PDZRN4: variants seen among roughly 807,000 people sequenced by gnomAD.
PDZRN4 encodes PDZ domain-containing RING finger protein 4.
Under a neutral mutation model 99.0 loss-of-function variants are expected in PDZRN4, and 70 were observed. That is an observed-to-expected ratio of 0.71 (90% confidence interval 0.58 to 0.86). PDZRN4 has a LOEUF of 0.86. Ranked by LOEUF, PDZRN4 falls within the 40% of genes least tolerant of loss-of-function variation. The pLI, the probability that PDZRN4 is intolerant of heterozygous loss-of-function variation, is 0.00. For synonymous variants in PDZRN4, 551 were observed against 501.6 expected (o/e 1.10, Z -1.32); for missense variants, 1,474 against 1,331.2 (o/e 1.11, Z -1.67).
At chr12:41,500,485 G>A (rs1164000468) in intron 3 of PDZRN4, among the ~76,000 whole-genome samples, 2 of 151,980 alleles carry the variant, frequency 1.3e-5, no homozygotes, top group African/African-American at 2.4e-5. Flanking sequence ...TGGACTTTGG[G>A]GTTGATGCAA....
rs10880103 is a variant in PDZRN4, at chr12:41,574,480, G to A, written c.*590G>A. On this transcript the variant is annotated 3_prime_UTR_variant, in exon 10 of 10. Transcript: ENST00000402685. ...ATTGTCTTTGTCTCAGTAAAGTGTA[G>A]GTGGACAATCTTCCTGTGATATGTA... 0.32 allele frequency: 49,414 copies of A among 152,448 alleles called. 8,774 individuals carry two copies. Among genetic ancestry groups the A allele is most frequent in the Admixed American group, 0.4 (6,127 of 15,270 alleles). 9.4% of individuals were successfully genotyped at this position (152,448 alleles called of 1,614,324 possible).
rs143097829 is a variant in PDZRN4 at position 41,256,161 on chromosome 12, C to T, written c.843+61973C>T. Among the ~76,000 whole-genome samples, 43 of 152,096 alleles carry T rather than the reference C, an allele frequency of 2.8e-4. No individual in the cohort carries two copies. The East Asian group carries it at 5.8e-3, about 21-fold the overall frequency. On this transcript the variant is annotated intron_variant, in intron 3 of 9. Coordinates refer to ENST00000402685, the MANE Select transcript of PDZRN4 (RefSeq NM_001164595.2). Reference sequence around the variant, plus strand: ...ATTTTCAAAATAAAACTATGTATTTCCTAGTCATATAAAAGTGATTTTATT... The same window carrying T: ...ATTTTCAAAATAAAACTATGTATTTTCTAGTCATATAAAAGTGATTTTATT...
intron 3 of PDZRN4, among the ~76,000 whole-genome samples, chr12:41,416,823 G>T (rs1471950834): frequency 1.3e-5 from 2 of 152,112 alleles, no homozygotes; most frequent in African/African-American, 4.8e-5. Flanking sequence ...GTATGTGTAG[G>T]ATTTGGTCTA....
chr12:41,567,830 G>A lies in PDZRN4; in HGVS notation c.1515G>A (p.Glu505=). ...LEDERNEFLE[E]LNLEMLEEEH... is the part of the protein sequence containing the mutation. ...ATGAAAGGAATGAATTCTTAGAGGAGTTAAACTTGGAGATGTTGGAAGAAG... is the reference window on the plus strand; with the variant it reads ...ATGAAAGGAATGAATTCTTAGAGGAATTAAACTTGGAGATGTTGGAAGAAG... The change falls in exon 9 of 10, where the codon GAG becomes GAA. Residue 505 remains glutamate (E), a synonymous_variant. Coordinates refer to ENST00000402685, the MANE Select transcript of PDZRN4 (RefSeq NM_001164595.2). The A allele has an allele frequency of 6.2e-7, 1 of 1,613,626 alleles. No individual in the cohort carries two copies. Among genetic ancestry groups the A allele is most frequent in the Non-Finnish European group, 8.5e-7 (1 of 1,179,748 alleles).
At chr12:41,437,627 G>A (rs1952641686) in intron 3 of PDZRN4, 1 of 514,724 alleles carries the variant, frequency 1.9e-6, no homozygotes, top group East Asian at 4.8e-5. Flanking sequence ...TAATCAATGA[G>A]GCACTATTAA....
intron 5 of PDZRN4, among the ~76,000 whole-genome samples, chr12:41,549,162 A>G (rs1939012299): frequency 6.6e-6 from 1 of 152,186 alleles, no homozygotes. Flanking sequence ...AATTGTCTCC[A>G]TGGAGAAAAT....
At chr12:41,412,725 G>A (rs1055210029) in intron 3 of PDZRN4, among the ~76,000 whole-genome samples, 2 of 152,228 alleles carry the variant, frequency 1.3e-5, no homozygotes, top group South Asian at 4.1e-4. Flanking sequence ...AATAAAAACT[G>A]CGATAGAACA....
Position 41,246,918 on chromosome 12 carries a change from C to G in PDZRN4, c.843+52730C>G, listed in dbSNP as rs142863142. 2.4e-3 allele frequency among the ~76,000 whole-genome samples: 363 copies of G among 152,254 alleles called. 3 individuals carry two copies. The highest frequency in any genetic ancestry group is 8.2e-3 in the African/African-American group (340 of 41,548). Reference sequence around the variant, plus strand: ...TATTTACTCTGAAAGGTACAGAGATCATTCTGTATTGAGTCTTCGGCTAGG... The same window carrying G: ...TATTTACTCTGAAAGGTACAGAGATGATTCTGTATTGAGTCTTCGGCTAGG... On this transcript the variant is annotated intron_variant, in intron 3 of 9. Coordinates refer to ENST00000402685, the MANE Select transcript of PDZRN4 (RefSeq NM_001164595.2).
At chr12:41,516,497 A>G (rs1158425286) in intron 5 of PDZRN4, among the ~76,000 whole-genome samples, 2 of 152,116 alleles carry the variant, frequency 1.3e-5, no homozygotes, top group Non-Finnish European at 2.9e-5. Flanking sequence ...GTCTTTTTTC[A>G]TAGGATATCA....
intron 3 of PDZRN4, among the ~76,000 whole-genome samples, chr12:41,421,887 T>C (rs950547668): frequency 6.6e-6 from 1 of 152,208 alleles, no homozygotes; most frequent in African/African-American, 2.4e-5. Context: ...GTAAACAATA[T>C]ATAAAATAGA....
intron 5 of PDZRN4, among the ~76,000 whole-genome samples, chr12:41,542,832 A>C (rs1938882224): frequency 6.6e-6 from 1 of 152,210 alleles, no homozygotes; most frequent in Non-Finnish European, 1.5e-5. Flanking sequence ...TTTCTAAAAA[A>C]TCTAATCAAT....
At chr12:41,254,076 A>T (rs1018883419) in intron 3 of PDZRN4, among the ~76,000 whole-genome samples, 3 of 151,506 alleles carry the variant, frequency 2.0e-5, no homozygotes, top group African/African-American at 7.3e-5. Context: ...TGTGTTTATT[A>T]CCTTTGAACT....
At chr12:41,275,044 G>A (rs1328432731) in intron 3 of PDZRN4, among the ~76,000 whole-genome samples, 2 of 152,060 alleles carry the variant, frequency 1.3e-5, no homozygotes, top group African/African-American at 4.8e-5. Context: ...GATGCTACAG[G>A]GATCAGTGCT....
intron 3 of PDZRN4, among the ~76,000 whole-genome samples, chr12:41,213,916 A>C (rs1472904083): frequency 6.6e-6 from 1 of 151,976 alleles, no homozygotes; most frequent in African/African-American, 2.4e-5. Flanking sequence ...CTATGTCCTA[A>C]TCCCTAAAAT....
chr12:41,458,094 G>T (rs908483882), intron 3 of PDZRN4, among the ~76,000 whole-genome samples: 1 of 152,216 alleles, frequency 6.6e-6, no homozygotes, highest in East Asian at 1.9e-4. Context: ...CTGTAAAGAT[G>T]TTAAAAGCAG....
intron 3 of PDZRN4, among the ~76,000 whole-genome samples, chr12:41,302,100 T>A (rs943476228): frequency 6.6e-6 from 1 of 152,078 alleles, no homozygotes; most frequent in South Asian, 2.1e-4. Flanking sequence ...ATGTGTCTGA[T>A]TATATATGTG....
Position 41,573,250 on chromosome 12 carries a change from G to A in PDZRN4, c.2471G>A (p.Ser824Asn). The A allele has an allele frequency of 6.2e-7, 1 of 1,613,982 alleles. No individual in the cohort carries two copies. Among genetic ancestry groups the A allele is most frequent in the Non-Finnish European group, 8.5e-7 (1 of 1,180,012 alleles). ...SKLPDQEKAV[S>N]EHIPYLSPYH... ...CTTCCTGATCAAGAGAAGGCAGTCA[G>A]CGAACACATCCCTTACCTCTCTCCT... Residue 824 changes from serine (S) to asparagine (N), a missense_variant, in exon 10 of 10, where the codon AGC becomes AAC. Ser to Asn is a conservative substitution (Grantham distance 46, BLOSUM62 1). Transcript: ENST00000402685.
intron 3 of PDZRN4, among the ~76,000 whole-genome samples, chr12:41,328,057 G>A (rs1302833606): frequency 1.3e-5 from 2 of 152,008 alleles, no homozygotes; most frequent in African/African-American, 4.8e-5. Context: ...AATTCAAACG[G>A]TATTTAATGG....
chr12:41,289,500 C>T (rs1386795354), intron 3 of PDZRN4, among the ~76,000 whole-genome samples: 2 of 152,072 alleles, frequency 1.3e-5, no homozygotes, highest in Admixed American at 6.6e-5. Context: ...AATATAAATG[C>T]AGGGACTATT....
Sources: allele counts gnomAD v4.1 joint callset (sites outside exome capture counted in the v4.1 genomes callset), GRCh38; gene constraint gnomAD v4.1.1; transcripts MANE v1.5; gene names NCBI Gene and HGNC (gene_info 2026-07-23, HGNC 2026-07-21).